Variants in ARID1B observed in about 807,000 individuals in gnomAD.
The protein encoded by ARID1B is AT-rich interaction domain 1B, also known as AT-rich interactive domain-containing protein 1B.
ARID1B carries 30 observed loss-of-function variants against 212.3 expected under a neutral mutation model. The observed-to-expected ratio is 0.14, with a 90% CI of 0.11 to 0.19. ARID1B has a LOEUF of 0.19. Among genes scored for constraint, ARID1B ranks in the 10% least tolerant of loss-of-function variants. The pLI, the probability that ARID1B is intolerant of heterozygous loss-of-function variation, is 1.00. For synonymous variants in ARID1B, 1,402 were observed against 1,301.7 expected, an observed-to-expected ratio of 1.08 and a Z score of -1.66; for missense variants, 2,891 against 3,204.0, an observed-to-expected ratio of 0.90 and a Z score of 2.36.
In ARID1B at chr6:156,901,414, C is replaced by T. The variant is rs773640553; in HGVS notation, c.2025C>T (p.Tyr675=). Residue 675 remains tyrosine (Y), a synonymous_variant, in exon 3 of 20, where the codon TAC becomes TAT. Transcript: ENST00000636930. ...ATGGACAGCAAGGTGTGAGTGGTTA[C>T]TGCCAGCAGGGCCAACAGCCATATT... ...PQYGQQGVSG[Y]CQQGQQPYYS... The T allele has an allele frequency of 5.0e-6, 8 of 1,614,176 alleles. No homozygotes were observed. The East Asian group carries it at 1.6e-4, about 31-fold the overall frequency.
At chr6:156,987,215 T>C (rs558305019) in intron 4 of ARID1B, among the ~76,000 whole-genome samples, 1 of 150,728 alleles carries the variant, frequency 6.6e-6, no homozygotes, top group African/African-American at 2.4e-5. Context: ...CTCAAAAAAT[T>C]AAAAAACTAA....
At chr6:157,066,012 T>A (rs1562590398) in intron 4 of ARID1B, among the ~76,000 whole-genome samples, 1 of 152,160 alleles carries the variant, frequency 6.6e-6, no homozygotes, top group Non-Finnish European at 1.5e-5. Flanking sequence ...TATCCATCCA[T>A]CCCCAACCCC....
chr6:156,990,856 C>A (rs1044169991), intron 4 of ARID1B, among the ~76,000 whole-genome samples: 1 of 152,152 alleles, frequency 6.6e-6, no homozygotes, highest in Non-Finnish European at 1.5e-5. Flanking sequence ...ATTGCATTTA[C>A]TAACAAATTA....
chr6:157,089,969 AGGTCTTG>A (rs1583288648), intron 5 of ARID1B, among the ~76,000 whole-genome samples: 1 of 151,196 alleles, frequency 6.6e-6, no homozygotes, highest in East Asian at 1.9e-4. Context: ...TGTATTGAAC[AGGTCTTG>A]GGTCTTACGC....
rs1785491042 is a variant in ARID1B, at chr6:157,094,569, G to T, written c.2491+9664G>T. On this transcript the variant is annotated intron_variant, in intron 5 of 19. Coordinates refer to ENST00000636930, the MANE Select transcript of ARID1B (RefSeq NM_001374828.1). The surrounding 1 kb of genome is among the most constrained non-coding windows in gnomAD (Gnocchi z 4.3). Reference sequence around the variant, plus strand: ...GGGGTTTCGCCATGTTGGCCAGGCTGGTCTCGAACTCCTGACCTCTCGAAA... The same window carrying T: ...GGGGTTTCGCCATGTTGGCCAGGCTTGTCTCGAACTCCTGACCTCTCGAAA... 6.6e-6 allele frequency among the ~76,000 whole-genome samples: 1 copy of T among 152,136 alleles called. No individual in the cohort carries two copies. Among genetic ancestry groups the T allele is most frequent in the Non-Finnish European group, 1.5e-5 (1 of 68,040 alleles).
intron 5 of ARID1B, among the ~76,000 whole-genome samples, chr6:157,093,928 G>T (rs148498028): frequency 1.3e-5 from 2 of 152,342 alleles, no homozygotes; most frequent in East Asian, 3.9e-4. Flanking sequence ...GTGGGGTAAA[G>T]GCGCTGAACA....
intron 13 of ARID1B, 72 bp downstream of exon 13, chr6:157,184,507 G>A (rs1322748380): frequency 6.4e-7 from 1 of 1,565,848 alleles, no homozygotes; most frequent in East Asian, 2.3e-5. Context: ...CGGGAAGGTG[G>A]TTTCACAGTC....
intron 6 of ARID1B, among the ~76,000 whole-genome samples, chr6:157,112,147 C>A (rs1206841068): frequency 1.3e-5 from 2 of 151,928 alleles, no homozygotes; most frequent in Non-Finnish European, 2.9e-5. Flanking sequence ...GAGACCCTGT[C>A]TCAAAAAAAT....
chr6:157,078,762 G>A (rs1784453908), intron 4 of ARID1B, among the ~76,000 whole-genome samples: 1 of 152,142 alleles, frequency 6.6e-6, no homozygotes, highest in Non-Finnish European at 1.5e-5. Flanking sequence ...ATCTAAAATG[G>A]TATGCCTAAC....
chr6:156,818,288 T>A (rs1782118621), intron 1 of ARID1B, among the ~76,000 whole-genome samples: 2 of 152,044 alleles, frequency 1.3e-5, no homozygotes, highest in Admixed American at 1.3e-4. Flanking sequence ...CAGGGGCAAA[T>A]AGCCTGTGTA....
chr6:157,148,527 C>T lies in ARID1B; in HGVS notation c.2762-97C>T, dbSNP rs1789964570. 3 of 1,354,252 alleles carry T rather than the reference C, an allele frequency of 2.2e-6. No individual in the cohort carries two copies. Among genetic ancestry groups the T allele is most frequent in the Non-Finnish European group, 3.0e-6 (3 of 990,414 alleles). 83.9% of individuals were successfully genotyped at this position (1,354,252 alleles called of 1,614,324 possible). ...GGGCCTATAACGGTCATGACTAATA[C>T]TCCGTGCTGATCGCATTGTTGGACA... On this transcript the variant is annotated intron_variant, in intron 7 of 19. Coordinates refer to ENST00000636930, the MANE Select transcript of ARID1B (RefSeq NM_001374828.1). The surrounding 1 kb of genome is among the most constrained non-coding windows in gnomAD (Gnocchi z 5.6).
intron 6 of ARID1B, among the ~76,000 whole-genome samples, chr6:157,118,751 A>G (rs1477658866): frequency 6.6e-6 from 1 of 152,242 alleles, no homozygotes; most frequent in African/African-American, 2.4e-5. Flanking sequence ...CTATCCAGAA[A>G]TAGGTTCATC....
chr6:156,909,473 T>A (rs922979922), intron 3 of ARID1B, among the ~76,000 whole-genome samples: 1 of 152,184 alleles, frequency 6.6e-6, no homozygotes. Flanking sequence ...CTTATTAAAT[T>A]AAATATAATT....
chr6:156,890,325 C>G (rs976217139), intron 2 of ARID1B, among the ~76,000 whole-genome samples: 2 of 152,128 alleles, frequency 1.3e-5, no homozygotes, highest in African/African-American at 4.8e-5. Context: ...ATGTGTATGT[C>G]TTTATAATCT....
chr6:157,200,112 A>T lies in ARID1B; in HGVS notation c.4480-593A>T, dbSNP rs1793995103. On this transcript the variant is annotated intron_variant, in intron 17 of 19. Transcript: ENST00000636930. This position sits in a 1 kb window ranked among gnomAD's most constrained non-coding sequence, Gnocchi z 4.3. ...CATCCTGGGAAGCAAGCTTAATAAC[A>T]GGTGTGGTCCCAGCCCTGTCCTCAG... Among the ~76,000 whole-genome samples, 1 of 152,128 alleles carries T rather than the reference A, an allele frequency of 6.6e-6. No individual in the cohort carries two copies. Among genetic ancestry groups the T allele is most frequent in the South Asian group, 2.1e-4 (1 of 4,818 alleles).
intron 5 of ARID1B, among the ~76,000 whole-genome samples, chr6:157,103,322 C>G (rs1037244464): frequency 6.6e-6 from 1 of 151,848 alleles, no homozygotes; most frequent in Non-Finnish European, 1.5e-5. Flanking sequence ...AGCGGGGAAC[C>G]AAACAGTCTG....
intron 4 of ARID1B, among the ~76,000 whole-genome samples, chr6:156,988,539 T>C (rs7769828): frequency 0.61 from 92,118 of 151,904 alleles, 28,964 homozygotes; most frequent in African/African-American, 0.78. Context: ...ATCCTCTTGC[T>C]TCTACTAGGA....
Position 156,778,847 on chromosome 6 carries a change from G to GGGCGGCGGA in ARID1B, c.1175_1176insAGGCGGCGG (p.Gly400_Gly402dup). 1 of 1,403,486 alleles carries GGGCGGCGGA rather than the reference G, an allele frequency of 7.1e-7. No individual in the cohort carries two copies. The highest frequency in any genetic ancestry group is 1.6e-5 in the South Asian group (1 of 63,242). 86.9% of individuals were successfully genotyped at this position (1,403,486 alleles called of 1,614,324 possible). On this transcript the variant is annotated inframe_insertion, in exon 1 of 20. Coordinates refer to ENST00000636930, the MANE Select transcript of ARID1B (RefSeq NM_001374828.1). Reference sequence around the variant, plus strand: ...ATCCGGGCTACAGCCGGCCCGGCGCGGGCGGCGGCGGCGGCGGCGGCGGCG... The same window carrying GGGCGGCGGA: ...ATCCGGGCTACAGCCGGCCCGGCGCGGGCGGCGGAGGCGGCGGCGGCGGCGGCGGCGGCG...
chr6:156,852,460 TA>T (rs576507419), intron 2 of ARID1B, among the ~76,000 whole-genome samples: 647 of 143,240 alleles, frequency 4.5e-3, no homozygotes, highest in African/African-American at 6.7e-3. Flanking sequence ...CCCTGTCTCT[TA>T]AAAAAAAAAA....
Sources: allele counts gnomAD v4.1 joint callset (sites outside exome capture counted in the v4.1 genomes callset), GRCh38; gene constraint gnomAD v4.1.1; non-coding constraint Gnocchi (gnomAD v3.1); transcripts MANE v1.5; gene names NCBI Gene and HGNC (gene_info 2026-07-23, HGNC 2026-07-21).